Variants in METTL15 observed in about 807,000 individuals in gnomAD.
METTL15 encodes methyltransferase 15, mitochondrial 12S rRNA N4-cytidine.
Under a neutral mutation model 38.3 loss-of-function variants are expected in METTL15, and 34 were observed. That is an observed-to-expected ratio of 0.89 (90% CI 0.68 to 1.18). The LOEUF (loss-of-function observed/expected upper bound fraction) is 1.18, where lower values mean the gene tolerates loss of function less well. METTL15 is among the 50% of genes most tolerant of loss of function. METTL15 has a pLI of 0.00. For missense variants in METTL15, 438 were observed against 498.4 expected (o/e 0.88, Z 1.15); for synonymous variants, 162 against 170.9 (o/e 0.95, Z 0.41).
At chr11:28,317,685 T>G (rs1857528832) in intron 6 of METTL15, among the ~76,000 whole-genome samples, 1 of 152,212 alleles carries the variant, frequency 6.6e-6, no homozygotes, top group Admixed American at 6.5e-5. Flanking sequence ...AGAAGCATGG[T>G]GCTTTTTATG....
chr11:28,183,624 G>C (rs1355272118), intron 3 of METTL15, among the ~76,000 whole-genome samples: 1 of 152,188 alleles, frequency 6.6e-6, no homozygotes, highest in East Asian at 1.9e-4. Flanking sequence ...GATCGTGGTG[G>C]ATAAGCTTTT....
intron 5 of METTL15, among the ~76,000 whole-genome samples, chr11:28,390,510 C>G (rs375779550): frequency 1.6e-4 from 25 of 152,010 alleles, no homozygotes; most frequent in African/African-American, 1.9e-4. Flanking sequence ...GCTTGTTTTT[C>G]TCAGGTTTGT....
chr11:28,480,153 G>A (rs1851383252), intron 6 of METTL15, among the ~76,000 whole-genome samples: 1 of 152,132 alleles, frequency 6.6e-6, no homozygotes, highest in Non-Finnish European at 1.5e-5. Flanking sequence ...GACGTGACAT[G>A]TTTTTAAAGT....
At chr11:28,229,748 A>C (rs1234928045) in intron 4 of METTL15, among the ~76,000 whole-genome samples, 1 of 151,982 alleles carries the variant, frequency 6.6e-6, no homozygotes, top group Admixed American at 6.6e-5. Context: ...TAAATTACCC[A>C]GTCTAAGATG....
Position 28,187,353 on chromosome 11 carries a change from T to C in METTL15, c.271-23709T>C, listed in dbSNP as rs181525209. Among the ~76,000 whole-genome samples the C allele has an allele frequency of 7.1e-3, 1,072 of 151,118 alleles. 5 individuals carry two copies. Among genetic ancestry groups the C allele is most frequent in the Admixed American group, 0.015 (219 of 15,076 alleles). On this transcript the variant is annotated intron_variant, in intron 3 of 6. Transcript: ENST00000407364. ...TCACTTATGAAGTGCTTAAATTCAA[T>C]AGTAAGATTGTACATTGGTATACCA...
chr11:28,398,451 T>C (rs956679305), intron 5 of METTL15, among the ~76,000 whole-genome samples: 1 of 152,164 alleles, frequency 6.6e-6, no homozygotes, highest in Non-Finnish European at 1.5e-5. Context: ...TTTTTTCATA[T>C]GTATGCTGGC....
Position 28,518,234 on chromosome 11 carries a change from C to T in METTL15, c.*425-8244C>T, listed in dbSNP as rs143833616. Among the ~76,000 whole-genome samples, 402 of 152,180 alleles carry T rather than the reference C, an allele frequency of 2.6e-3. 1 individual carries two copies. Among genetic ancestry groups the T allele is most frequent in the Non-Finnish European group, 4.9e-3 (334 of 68,010 alleles). Reference sequence around the variant, plus strand: ...CTCATCTCTGTTGGATGCTAGAGACCCCCCTCCACATGACACATCTGGGTG... The same window carrying T: ...CTCATCTCTGTTGGATGCTAGAGACTCCCCTCCACATGACACATCTGGGTG... On this transcript the variant is annotated intron_variant and NMD_transcript_variant, in intron 6 of 7. Transcript: ENST00000532947.
intron 4 of METTL15, among the ~76,000 whole-genome samples, chr11:28,255,832 T>A (rs1205406716): frequency 6.6e-6 from 1 of 152,192 alleles, no homozygotes; most frequent in Non-Finnish European, 1.5e-5. Flanking sequence ...GCCTCCCAAG[T>A]GTCTGGGATT....
chr11:28,175,748 CTAAAATA>C (rs1311867952), intron 3 of METTL15, among the ~76,000 whole-genome samples: 1 of 152,126 alleles, frequency 6.6e-6, no homozygotes. Flanking sequence ...CCAGAATTGT[CTAAAATA>C]TATTTAGCTC....
At chr11:28,376,384 T>G (rs991492469) in intron 5 of METTL15, among the ~76,000 whole-genome samples, 1 of 152,146 alleles carries the variant, frequency 6.6e-6, no homozygotes, top group Non-Finnish European at 1.5e-5. Context: ...GATAGTTAGC[T>G]CTTCTTGTTG....
intron 6 of METTL15, among the ~76,000 whole-genome samples, chr11:28,444,000 TG>T (rs1851055874): frequency 6.6e-6 from 1 of 152,224 alleles, no homozygotes; most frequent in African/African-American, 2.4e-5. Context: ...CTCAATTCCA[TG>T]TGATTTCAAT....
intron 3 of METTL15, among the ~76,000 whole-genome samples, chr11:28,176,074 T>C (rs955610685): frequency 4.6e-5 from 7 of 151,918 alleles, no homozygotes; most frequent in African/African-American, 1.4e-4. Flanking sequence ...TAAAAAGTAA[T>C]GAAGGCTGGA....
In METTL15 at chr11:28,290,808, A is replaced by G. The variant is rs541718270; in HGVS notation, c.599+411A>G. Among the ~76,000 whole-genome samples, 3 of 152,088 alleles carry G rather than the reference A, an allele frequency of 2.0e-5. No homozygotes were observed. In the South Asian group the frequency reaches 6.2e-4, roughly 32 times the overall value. ...TGCATCCTCTTTTAGCATACAGAAA[A>G]AAAAAAAAGGCAAGATCCTAGAAGT... On this transcript the variant is annotated intron_variant, in intron 5 of 6. Coordinates refer to ENST00000407364, the MANE Select transcript of METTL15 (RefSeq NM_001113528.2).
At chr11:28,418,290 T>C (rs1369912679) in intron 5 of METTL15, among the ~76,000 whole-genome samples, 1 of 152,192 alleles carries the variant, frequency 6.6e-6, no homozygotes, top group African/African-American at 2.4e-5. Context: ...AGGAGCGTTC[T>C]TGTGAGAAAG....
intron 3 of METTL15, among the ~76,000 whole-genome samples, chr11:28,210,427 G>T (rs1019556897): frequency 1.3e-5 from 2 of 151,590 alleles, no homozygotes; most frequent in South Asian, 2.1e-4. Flanking sequence ...CTATCCCAAA[G>T]ACATAGATAC....
chr11:28,163,294 G>T, intron 3 of METTL15: 1 of 397,240 alleles, frequency 2.5e-6, no homozygotes, highest in South Asian at 1.3e-4. Context: ...AAAAAAGTAT[G>T]GCATAAATTC....
rs188185313 is a variant in METTL15, at chr11:28,211,203, G to A, written c.407+5G>A. 2 of 1,601,522 alleles carry A rather than the reference G, an allele frequency of 1.2e-6. No individual in the cohort carries two copies. The highest frequency in any genetic ancestry group is 1.7e-6 in the Non-Finnish European group (2 of 1,175,244). ...ACATCTTTCAGAGTTGTATCCGTAA[G>A]TAATACCCTTGCATATTTATTTGAT... On this transcript the variant is annotated splice_donor_5th_base_variant and intron_variant, in intron 4 of 6. Transcript: ENST00000407364.
chr11:28,376,615 T>A (rs1326967159), intron 5 of METTL15, among the ~76,000 whole-genome samples: 4 of 152,184 alleles, frequency 2.6e-5, no homozygotes, highest in Non-Finnish European at 5.9e-5. Flanking sequence ...CTTTATCCAA[T>A]TTGCCAGTCT....
chr11:28,209,151 G>A (rs560629574), intron 3 of METTL15, among the ~76,000 whole-genome samples: 3 of 151,958 alleles, frequency 2.0e-5, no homozygotes, highest in East Asian at 1.9e-4. Flanking sequence ...TATTGCTAAT[G>A]ATGATGATTT....
Sources: gnomAD v4.1 joint callset for allele counts (sites outside exome capture counted in the v4.1 genomes callset) on GRCh38, gnomAD v4.1.1 for gene constraint, MANE v1.5 for transcripts, NCBI Gene and HGNC (gene_info 2026-07-23, HGNC 2026-07-21) for gene names.